Variants in GLRA2 observed in about 807,000 individuals in gnomAD.
GLRA2 encodes the protein glycine receptor alpha 2.
GLRA2 carries 11 observed loss-of-function variants against 31.6 expected under a neutral mutation model. The ratio of observed to expected loss-of-function variants is 0.35; its 90% CI spans 0.22 to 0.58. The LOEUF is 0.58. GLRA2 is among the 20% of genes least tolerant of loss of function. The pLI is 0.84. For synonymous variants in GLRA2, 132 were observed against 134.0 expected (o/e 0.99, Z 0.10); for missense variants, 212 against 351.8 (o/e 0.60, Z 3.18).
the GLRA2 span, among the ~76,000 whole-genome samples, chrX:14,452,964 T>C: frequency 1.8e-5 from 2 of 111,708 alleles, no homozygotes; most frequent in African/African-American, 6.5e-5. Context: ...GTAGACACAT[T>C]CCTAGCTGAT....
chrX:14,477,343 T>C, the GLRA2 span, among the ~76,000 whole-genome samples: 11 of 111,741 alleles, frequency 9.8e-5, no homozygotes, highest in East Asian at 3.1e-3. Flanking sequence ...TTCAACAACA[T>C]AAAATATATA....
the GLRA2 span, among the ~76,000 whole-genome samples, chrX:14,453,282 G>A: frequency 9.0e-6 from 1 of 111,441 alleles, no homozygotes; most frequent in African/African-American, 3.3e-5. Flanking sequence ...TTAGCAATGT[G>A]TGAAGACATG....
chrX:14,517,282 TATTA>T, the GLRA2 span, among the ~76,000 whole-genome samples: 126 of 112,472 alleles, frequency 1.1e-3, no homozygotes, highest in Middle Eastern at 4.7e-3. Flanking sequence ...TTACTCTAGG[TATTA>T]ATTATTTAAA....
the GLRA2 span, among the ~76,000 whole-genome samples, chrX:14,477,256 T>C: frequency 8.9e-6 from 1 of 112,106 alleles, no homozygotes; most frequent in Admixed American, 9.5e-5. Context: ...TTTCCCAAGG[T>C]TCTTTATTAA....
chrX:14,729,208 T>A (rs2091962694), intron 8 of GLRA2, among the ~76,000 whole-genome samples: 2 of 112,209 alleles, frequency 1.8e-5, no homozygotes, highest in Admixed American at 1.9e-4. Context: ...ATTATTATTA[T>A]CTGGCAAGAT....
chrX:14,476,801 A>G, the GLRA2 span, among the ~76,000 whole-genome samples: 5 of 112,213 alleles, frequency 4.5e-5, no homozygotes, highest in Non-Finnish European at 9.4e-5. Context: ...TGTTCTAGCC[A>G]TTCTATTAGG....
intron 2 of GLRA2, among the ~76,000 whole-genome samples, chrX:14,571,816 GA>G (rs1233235506): frequency 9.0e-6 from 1 of 111,409 alleles, no homozygotes; most frequent in Non-Finnish European, 1.9e-5. Context: ...AAAGGATTAA[GA>G]AAGGTACAAA....
chrX:14,678,280 C>T (rs2091165160), intron 7 of GLRA2, among the ~76,000 whole-genome samples: 1 of 112,514 alleles, frequency 8.9e-6, no homozygotes, highest in African/African-American at 3.2e-5. Context: ...CTGCAATAGG[C>T]AGCCACAGTA....
At chrX:14,603,847 T>G (rs1009218964) in intron 4 of GLRA2, among the ~76,000 whole-genome samples, 3 of 111,877 alleles carry the variant, frequency 2.7e-5, no homozygotes, top group African/African-American at 9.7e-5. Flanking sequence ...ATTTGCCCAT[T>G]TGATGTAAGA....
chrX:14,536,095 T>C (rs1213638334), intron 2 of GLRA2, among the ~76,000 whole-genome samples: 1 of 112,148 alleles, frequency 8.9e-6, no homozygotes, highest in Non-Finnish European at 1.9e-5. Flanking sequence ...GCACACTATT[T>C]TTTTCCCACA....
At position 14,607,166 on chromosome X, in the gene GLRA2, T is replaced by A; in HGVS notation, c.613T>A (p.Leu205Ile). ...YTMNDLIFEW[L>I]SDGPVQVAEG... ...GATGAATGACCTGATATTTGAGTGG[T>A]TAAGTGATGGTCCAGTGCAAGTTGC... Residue 205 changes from leucine (L) to isoleucine (I), a missense_variant, in exon 6 of 9, where the codon TTA becomes ATA. By Grantham distance (5) the Leu-to-Ile change is conservative (BLOSUM62 2). Coordinates refer to ENST00000218075, the MANE Select transcript of GLRA2 (RefSeq NM_002063.4). The A allele has an allele frequency of 8.4e-7, 1 of 1,184,860 alleles. No homozygotes were observed. The highest frequency in any genetic ancestry group is 1.1e-6 in the Non-Finnish European group (1 of 871,716).
intron 8 of GLRA2, among the ~76,000 whole-genome samples, chrX:14,697,054 AT>A (rs1162225091): frequency 9.2e-6 from 1 of 108,441 alleles, no homozygotes; most frequent in Non-Finnish European, 1.9e-5. Flanking sequence ...GAAAGGCAGC[AT>A]TTTTCAGCTT....
intron 8 of GLRA2, among the ~76,000 whole-genome samples, chrX:14,691,284 T>A (rs750013472): frequency 0.025 from 1,575 of 62,182 alleles, 29 homozygotes; most frequent in African/African-American, 0.072. Context: ...TGTGTGTGTG[T>A]GTGTGTGTGT....
chrX:14,632,499 T>C (rs1464074099), intron 7 of GLRA2, among the ~76,000 whole-genome samples: 1 of 111,845 alleles, frequency 8.9e-6, no homozygotes, highest in Non-Finnish European at 1.9e-5. Flanking sequence ...TGAGAACAAA[T>C]TTTTGTAAAG....
At chrX:14,664,968 C>T (rs978705137) in intron 7 of GLRA2, among the ~76,000 whole-genome samples, 57 of 111,616 alleles carry the variant, frequency 5.1e-4, no homozygotes, top group African/African-American at 1.6e-3. Context: ...ATCAGTAGCA[C>T]GCCATCAGCC....
At chrX:14,617,412 A>G (rs1438422933) in intron 7 of GLRA2, among the ~76,000 whole-genome samples, 1 of 111,804 alleles carries the variant, frequency 8.9e-6, no homozygotes, top group African/African-American at 3.2e-5. Flanking sequence ...GTAAAGGCAG[A>G]TTTTTTTACA....
chrX:14,493,667 A>ATGCATACACG, the GLRA2 span, among the ~76,000 whole-genome samples: 1 of 97,727 alleles, frequency 1.0e-5, no homozygotes, highest in African/African-American at 4.1e-5. Flanking sequence ...ACACATATAT[A>ATGCATACACG]TGTATACATG....
In GLRA2 at chrX:14,615,507, T is replaced by C. The variant is rs760663772; in HGVS notation, c.930+6302T>C. On this transcript the variant is annotated intron_variant, in intron 7 of 8. Coordinates refer to ENST00000218075, the MANE Select transcript of GLRA2 (RefSeq NM_002063.4). ...ATATGAAGTAAGATGCCTAACCTAT[T>C]AAGTGGAGGAGGGAAGAATGGGTGG... is the stretch of plus-strand genomic sequence containing the variant. 8.1e-5 allele frequency among the ~76,000 whole-genome samples: 9 copies of C among 110,471 alleles called. No homozygotes were observed. In the South Asian group the frequency reaches 1.5e-3, roughly 19 times the overall value.
At chrX:14,627,639 C>T (rs2090602617) in intron 7 of GLRA2, among the ~76,000 whole-genome samples, 1 of 111,321 alleles carries the variant, frequency 9.0e-6, no homozygotes, top group Non-Finnish European at 1.9e-5. Context: ...CTCACTGGAA[C>T]AGTCCCACCT....
Sources: allele counts gnomAD v4.1 joint callset (sites outside exome capture counted in the v4.1 genomes callset), GRCh38; gene constraint gnomAD v4.1.1; transcripts MANE v1.5; gene names NCBI Gene and HGNC (gene_info 2026-07-23, HGNC 2026-07-21).